Variants in WDR93 observed in about 807,000 individuals in gnomAD.
WDR93 encodes the protein WD repeat-containing protein 93.
WDR93 carries 73 observed loss-of-function variants against 82.9 expected under a neutral mutation model. That is an observed-to-expected ratio of 0.88 (90% CI 0.73 to 1.07). The LOEUF (loss-of-function observed/expected upper bound fraction) is 1.07, where lower values mean the gene tolerates loss of function less well. WDR93 is among the 50% of genes least tolerant of loss of function. The pLI, the probability that WDR93 is intolerant of heterozygous loss-of-function variation, is 0.00. For synonymous variants in WDR93, 283 were observed against 300.1 expected (o/e 0.94, Z 0.59); for missense variants, 738 against 826.0 (o/e 0.89, Z 1.31).
At chr15:89,717,526 C>T (rs964294250) in intron 7 of WDR93, among the ~76,000 whole-genome samples, 4 of 152,180 alleles carry the variant, frequency 2.6e-5, no homozygotes, top group South Asian at 2.1e-4. Flanking sequence ...TTTGGCCAGA[C>T]GTGGGTTTAC....
At chr15:89,712,415 T>C (rs2141629080) in intron 5 of WDR93, among the ~76,000 whole-genome samples, 1 of 148,590 alleles carries the variant, frequency 6.7e-6, no homozygotes, top group East Asian at 1.9e-4. Flanking sequence ...TTTTTTTTTT[T>C]TTTTGCTCCA....
chr15:89,702,870 C>T, intron 2 of WDR93, 80 bp from the exon 3 acceptor site: 1 of 1,441,642 alleles, frequency 6.9e-7, no homozygotes, highest in Non-Finnish European at 9.4e-7. Flanking sequence ...GGAAGGGCCC[C>T]TGAATGTCTC....
At chr15:89,731,639 C>G (rs1289310959) in intron 12 of WDR93, 77 bp downstream of exon 12, 47 of 1,592,150 alleles carry the variant, frequency 3.0e-5, no homozygotes, top group South Asian at 4.5e-5. Context: ...GGAATTCCCA[C>G]AGGCCCTGGG....
intron 4 of WDR93, among the ~76,000 whole-genome samples, chr15:89,707,213 A>G (rs548605910): frequency 6.6e-6 from 1 of 152,330 alleles, no homozygotes; most frequent in Admixed American, 6.5e-5. Context: ...TAAAATCACA[A>G]TGAGATATAA....
chr15:89,740,365 C>A (rs977117821), intron 16 of WDR93, among the ~76,000 whole-genome samples: 2 of 152,110 alleles, frequency 1.3e-5, no homozygotes, highest in Non-Finnish European at 2.9e-5. Context: ...TGTGCCTATT[C>A]GTCAGGAGAC....
intron 7 of WDR93, 81 bp downstream of exon 7, chr15:89,717,030 C>CTTTTCT (rs1158837736): frequency 2.4e-6 from 1 of 408,248 alleles, no homozygotes; most frequent in African/African-American, 2.6e-5. Context: ...TTTTTCTTTT[C>CTTTTCT]TTTTCTTTTT....
At chr15:89,723,510 G>C (rs1966611018) in intron 8 of WDR93, among the ~76,000 whole-genome samples, 1 of 152,162 alleles carries the variant, frequency 6.6e-6, no homozygotes, top group Non-Finnish European at 1.5e-5. Context: ...TCTTGTAAAA[G>C]AATGTGGTGG....
At chr15:89,709,317 G>C (rs952558109) in intron 4 of WDR93, among the ~76,000 whole-genome samples, 1 of 152,076 alleles carries the variant, frequency 6.6e-6, no homozygotes, top group African/African-American at 2.4e-5. Flanking sequence ...TGGGCAGGGT[G>C]GGGGTGATTT....
Position 89,729,638 on chromosome 15 carries a change from CCT to C in WDR93, c.1124-44_1124-43del, listed in dbSNP as rs764528693. ...AAACCAAAGGCCACCCAGATTTCCC[CCT>C]GTGTAACACCCATTTTCTGTCTTTC... On this transcript the variant is annotated intron_variant, in intron 10 of 16. Transcript: ENST00000268130. The C allele has an allele frequency of 4.8e-5, 72 of 1,492,646 alleles. No individual in the cohort carries two copies. The Admixed American group carries it at 5.9e-4, about 12-fold the overall frequency. 92.5% of individuals were successfully genotyped at this position (1,492,646 alleles called of 1,614,324 possible). A position where few individuals can be genotyped will look rare whatever the true frequency, so the allele number is the denominator to read the frequency against.
At chr15:89,709,344 C>T in intron 4 of WDR93, among the ~76,000 whole-genome samples, 1 of 151,964 alleles carries the variant, frequency 6.6e-6, no homozygotes, top group East Asian at 1.9e-4. Context: ...TTATTTTTTG[C>T]CTGTTAACCA....
At chr15:89,743,137 G>A (rs1311152928) in intron 16 of WDR93, among the ~76,000 whole-genome samples, 155 bp from the exon 17 acceptor site, 1 of 152,246 alleles carries the variant, frequency 6.6e-6, no homozygotes, top group East Asian at 1.9e-4. Flanking sequence ...AGCACCTGCT[G>A]TGTACCAGGC....
chr15:89,719,140 T>G (rs1238077956), intron 7 of WDR93, among the ~76,000 whole-genome samples: 1 of 152,178 alleles, frequency 6.6e-6, no homozygotes, highest in African/African-American at 2.4e-5. Flanking sequence ...CAGGCTGGAA[T>G]GTAATGGCAT....
Position 89,702,981 on chromosome 15 carries a change from C to G in WDR93, c.335C>G (p.Ser112Cys). Reference sequence around the variant, plus strand: ...AAAATGCCAAATTGTATGGCTGTTTCCCAAGACTATGTGTTTATTGGAGGA... The same window carrying G: ...AAAATGCCAAATTGTATGGCTGTTTGCCAAGACTATGTGTTTATTGGAGGA... ...LNKMPNCMAVSQDYVFIGGAK... is the reference protein window; with the variant it reads ...LNKMPNCMAVCQDYVFIGGAK... The change falls in exon 3 of 17, where the codon TCC (serine) becomes TGC (cysteine). Residue 112 changes from serine to cysteine, a missense_variant. Coordinates refer to ENST00000268130, the MANE Select transcript of WDR93 (RefSeq NM_020212.2). 6.2e-7 allele frequency: 1 copy of G among 1,614,112 alleles called. No individual in the cohort carries two copies. The highest frequency in any genetic ancestry group is 8.5e-7 in the Non-Finnish European group (1 of 1,180,018).
chr15:89,690,890 G>A (rs1348838952), intron 1 of WDR93, 33 bp downstream of exon 1: 3 of 466,094 alleles, frequency 6.4e-6, no homozygotes, highest in Non-Finnish European at 1.2e-5. Flanking sequence ...TTGGATGCCG[G>A]GGCTCCCCTC....
chr15:89,701,832 C>T lies in WDR93; in HGVS notation c.86C>T (p.Thr29Ile), dbSNP rs115116586. Reference sequence around the variant, plus strand: ...GGACCATTGGAGGTGCCACCCCCAACAGAGAAGGACTGGCCTAAAGACGAT... The same window carrying T: ...GGACCATTGGAGGTGCCACCCCCAATAGAGAAGGACTGGCCTAAAGACGAT... Reference protein sequence around the residue: ...RKGPLEVPPPTEKDWPKDDEQ... With the variant: ...RKGPLEVPPPIEKDWPKDDEQ... The change falls in exon 2 of 17, where the codon ACA (threonine) becomes ATA (isoleucine). Residue 29 changes from threonine to isoleucine, a missense_variant. Thr to Ile is a moderately conservative substitution (Grantham distance 89). Transcript: ENST00000268130. The T allele has an allele frequency of 9.9e-4, 1,593 of 1,614,190 alleles. 11 individuals carry two copies. In the African/African-American group the frequency reaches 0.019, roughly 19 times the overall value.
At chr15:89,716,526 G>C (rs1966261078) in intron 6 of WDR93, among the ~76,000 whole-genome samples, 1 of 152,228 alleles carries the variant, frequency 6.6e-6, no homozygotes, top group African/African-American at 2.4e-5. Flanking sequence ...TACAGTGGTA[G>C]TTCTTTTACT....
Position 89,705,568 on chromosome 15 carries a change from T to C in WDR93, c.511T>C (p.Phe171Leu), listed in dbSNP as rs1965691657. The change falls in exon 4 of 17, where the codon TTT becomes CTT. Residue 171 changes from phenylalanine (F) to leucine (L), a missense_variant. Phe to Leu is a conservative substitution (Grantham distance 22, BLOSUM62 0). Transcript: ENST00000268130. ...PVDEMGIIRL[F>L]YFYKEGLYLV... is the part of the protein sequence containing the mutation. Reference sequence around the variant, plus strand: ...TTCTGTTTCAGGTATCATTAGACTCTTTTATTTTTATAAGGAAGGACTTTA... The same window carrying C: ...TTCTGTTTCAGGTATCATTAGACTCCTTTATTTTTATAAGGAAGGACTTTA... 3.2e-6 allele frequency: 5 copies of C among 1,550,250 alleles called. No homozygotes were observed. In the African/African-American group the frequency reaches 6.8e-5, roughly 21 times the overall value.
chr15:89,735,368 A>T, intron 13 of WDR93, 122 bp from the exon 14 acceptor site: 1 of 968,752 alleles, frequency 1.0e-6, no homozygotes, highest in Non-Finnish European at 1.6e-6. Flanking sequence ...TGCTACTATG[A>T]ACAGCCTCCT....
chr15:89,727,847 C>T (rs1366426010), intron 9 of WDR93, among the ~76,000 whole-genome samples: 1 of 151,942 alleles, frequency 6.6e-6, no homozygotes, highest in Non-Finnish European at 1.5e-5. Context: ...CTTTGAGAGT[C>T]TGAGGCATGC....
Sources: gnomAD v4.1 joint callset for allele counts (sites outside exome capture counted in the v4.1 genomes callset) on GRCh38, gnomAD v4.1.1 for gene constraint, MANE v1.5 for transcripts, NCBI Gene and HGNC (gene_info 2026-07-23, HGNC 2026-07-21) for gene names.